The following CNIH1 variants were observed in gnomAD, a reference collection of about 807,000 sequenced individuals.
The protein encoded by CNIH1 is protein cornichon homolog 1.
In CNIH1, 12 loss-of-function variants were observed where a neutral mutation model predicts 20.2. The observed-to-expected ratio is 0.59, with a 90% confidence interval of 0.38 to 0.96. The LOEUF is 0.96. CNIH1 is among the 40% of genes least tolerant of loss of function. The pLI is 0.00. For synonymous variants in CNIH1, 69 were observed against 63.3 expected (o/e 1.09, Z -0.43); for missense variants, 152 against 178.8 (o/e 0.85, Z 0.85).
chr14:54,436,688 TC>T, intron 1 of CNIH1: 1 of 540,164 alleles, frequency 1.9e-6, no homozygotes, highest in Admixed American at 3.1e-5. Flanking sequence ...TTCAATTTCG[TC>T]AATGCCTCTG....
chr14:54,438,958 T>C (rs1020089374), intron 1 of CNIH1, among the ~76,000 whole-genome samples: 1 of 152,222 alleles, frequency 6.6e-6, no homozygotes, highest in East Asian at 1.9e-4. Flanking sequence ...TCTCTCACTA[T>C]GGGATCTCCA....
rs2030782132 is a variant in CNIH1, at chr14:54,424,188, A to C, written c.*3626T>G. ...ATACTGCACATCAATGATTGGTTTG[A>C]GCAAAGGAGCTTAAAATGATCTAAG... On this transcript the variant is annotated 3_prime_UTR_variant, in exon 5 of 5. Coordinates refer to ENST00000216416, the MANE Select transcript of CNIH1 (RefSeq NM_005776.3). 2 of 152,230 alleles carry C rather than the reference A, an allele frequency of 1.3e-5. 1 individual carries two copies. Among genetic ancestry groups the C allele is most frequent in the South Asian group, 4.1e-4 (2 of 4,828 alleles). 9.4% of individuals were successfully genotyped at this position (152,230 alleles called of 1,614,324 possible).
intron 3 of CNIH1, among the ~76,000 whole-genome samples, chr14:54,430,731 C>G (rs915420460): frequency 6.6e-6 from 1 of 152,154 alleles, no homozygotes; most frequent in African/African-American, 2.4e-5. Context: ...GATACAAGAA[C>G]CTTTCACCCA....
At position 54,436,637 on chromosome 14, in the gene CNIH1, A is replaced by T. The variant is rs192182056; in HGVS notation, c.82-200T>A. On this transcript the variant is annotated intron_variant, in intron 1 of 4. Transcript: ENST00000216416. ...AAAGTGAAAACACTCTTATCTCAGT[A>T]TCACTAAAATTTGGTATTACTGTAA... The T allele has an allele frequency of 2.9e-3, 1,710 of 579,704 alleles. 4 individuals are homozygous for T. The highest frequency in any genetic ancestry group is 5.8e-3 in the Admixed American group (185 of 31,844). 35.9% of individuals were successfully genotyped at this position (579,704 alleles called of 1,614,324 possible). A position where few individuals can be genotyped will look rare whatever the true frequency, so the allele number is the denominator to read the frequency against.
intron 2 of CNIH1, among the ~76,000 whole-genome samples, chr14:54,433,637 T>C (rs1288750333): frequency 6.6e-6 from 1 of 152,212 alleles, no homozygotes; most frequent in African/African-American, 2.4e-5. Context: ...AGAATTCCAC[T>C]AGAGTTGCTT....
rs2030780042 is a variant in CNIH1, at chr14:54,424,069, C to A, written c.*3745G>T. 1 of 152,166 alleles carries A rather than the reference C, an allele frequency of 6.6e-6. No homozygotes were observed. Among genetic ancestry groups the A allele is most frequent in the African/African-American group, 2.4e-5 (1 of 41,436 alleles). The allele number at this position is 152,166 out of a possible 1,614,324, so 9.4% of individuals were successfully genotyped here. On this transcript the variant is annotated 3_prime_UTR_variant, in exon 5 of 5. Transcript: ENST00000216416. ...CTAGTCAATATATTTAGCAATAGAACCACTCTTTTACTTTTGATATCATTC... is the reference window on the plus strand; with the variant it reads ...CTAGTCAATATATTTAGCAATAGAAACACTCTTTTACTTTTGATATCATTC...
At chr14:54,435,973 G>T in intron 2 of CNIH1, 1 of 641,218 alleles carries the variant, frequency 1.6e-6, no homozygotes, top group Non-Finnish European at 2.8e-6. Flanking sequence ...ACCTCAACAG[G>T]CATATGAACG....
At chr14:54,431,947 G>T (rs1224495545) in intron 3 of CNIH1, among the ~76,000 whole-genome samples, 161 bp downstream of exon 3, 1 of 152,054 alleles carries the variant, frequency 6.6e-6, no homozygotes, top group African/African-American at 2.4e-5. Context: ...TCTATATGAG[G>T]TATTGAAATA....
intron 2 of CNIH1, among the ~76,000 whole-genome samples, chr14:54,435,775 G>A (rs1282816891): frequency 3.9e-5 from 6 of 151,984 alleles, no homozygotes; most frequent in East Asian, 1.9e-4. Context: ...GTCACAACCC[G>A]AGAATCATCT....
chr14:54,428,188 G>T (rs142959267), intron 4 of CNIH1, among the ~76,000 whole-genome samples: 1 of 152,130 alleles, frequency 6.6e-6, no homozygotes, highest in Non-Finnish European at 1.5e-5. Context: ...CTCACTTCAC[G>T]CCAGGCCCTG....
At chr14:54,435,854 G>C (rs1192914778) in intron 2 of CNIH1, among the ~76,000 whole-genome samples, 1 of 152,120 alleles carries the variant, frequency 6.6e-6, no homozygotes, top group Admixed American at 6.5e-5. Context: ...ACATAGAAGT[G>C]CCTATGGCTA....
At chr14:54,437,363 A>T (rs1427265455) in intron 1 of CNIH1, among the ~76,000 whole-genome samples, 1 of 152,230 alleles carries the variant, frequency 6.6e-6, no homozygotes, top group African/African-American at 2.4e-5. Flanking sequence ...TATTATCAGT[A>T]ATCAGTAAAG....
At chr14:54,437,657 GA>G (rs1368753044) in intron 1 of CNIH1, among the ~76,000 whole-genome samples, 2 of 147,858 alleles carry the variant, frequency 1.4e-5, no homozygotes, top group Non-Finnish European at 3.0e-5. Context: ...AGGAGGGGGT[GA>G]AAAAAATAGC....
At chr14:54,437,695 G>T (rs2031082520) in intron 1 of CNIH1, among the ~76,000 whole-genome samples, 2 of 150,708 alleles carry the variant, frequency 1.3e-5, no homozygotes, top group South Asian at 4.2e-4. Flanking sequence ...AAAAAATGCA[G>T]AACTCACCAG....
chr14:54,430,427 G>C, intron 3 of CNIH1, 23 bp from the exon 4 acceptor site: 1 of 1,590,650 alleles, frequency 6.3e-7, no homozygotes, highest in Non-Finnish European at 8.6e-7. Flanking sequence ...CAGTCTATTA[G>C]GCATTCAGAA....
chr14:54,430,176 G>A, intron 4 of CNIH1, 85 bp downstream of exon 4: 2 of 1,369,720 alleles, frequency 1.5e-6, no homozygotes, highest in Non-Finnish European at 2.0e-6. Context: ...TCTTCAAATG[G>A]ATTTTGAGGT....
chr14:54,429,501 G>A (rs1322377082), intron 4 of CNIH1, among the ~76,000 whole-genome samples: 2 of 152,236 alleles, frequency 1.3e-5, no homozygotes, highest in African/African-American at 4.8e-5. Context: ...GCTCACGCCT[G>A]TAATCCCAGT....
intron 4 of CNIH1, 118 bp downstream of exon 4, chr14:54,430,143 G>A (rs941981486): frequency 1.9e-6 from 2 of 1,077,308 alleles, no homozygotes; most frequent in African/African-American, 3.1e-5. Context: ...TGTGCACCAT[G>A]CACACTTAAG....
chr14:54,438,851 C>T (rs886695877), intron 1 of CNIH1, among the ~76,000 whole-genome samples: 1 of 152,120 alleles, frequency 6.6e-6, no homozygotes, highest in African/African-American at 2.4e-5. Context: ...GGTTTGGTGT[C>T]ATCTTGGAGG....
Sources: gnomAD v4.1 joint callset for allele counts (sites outside exome capture counted in the v4.1 genomes callset) on GRCh38, gnomAD v4.1.1 for gene constraint, MANE v1.5 for transcripts, NCBI Gene and HGNC (gene_info 2026-07-23, HGNC 2026-07-21) for gene names.